The following MYO19 variants were observed in gnomAD, a reference collection of about 807,000 sequenced individuals.
The protein encoded by MYO19 is unconventional myosin-XIX.
Under a neutral mutation model 129.2 loss-of-function variants are expected in MYO19, and 132 were observed. The ratio of observed to expected loss-of-function variants is 1.02; its 90% CI spans 0.89 to 1.18. The LOEUF (loss-of-function observed/expected upper bound fraction) is 1.18. Ranked by LOEUF, MYO19 falls within the 50% of genes most tolerant of loss-of-function variation. The pLI is 0.00. For missense variants in MYO19, 1,210 were observed against 1,216.7 expected, an observed-to-expected ratio of 0.99 and a Z score of 0.08; for synonymous variants, 531 against 477.2, an observed-to-expected ratio of 1.11 and a Z score of -1.47.
rs1462620809 is a variant in MYO19, at chr17:36,513,302, G to A, written c.894+127C>T. The A allele has an allele frequency of 3.8e-6, 6 of 1,561,252 alleles. No individual in the cohort carries two copies. The Admixed American group carries it at 9.4e-5, about 24-fold the overall frequency. On this transcript the variant is annotated intron_variant, in intron 11 of 25. Transcript: ENST00000614623. ...AACAGAGGTGACTGATTCCTTGGAG[G>A]TAGCACAGAAGGGCCCAAAGTCCTA...
At chr17:36,522,874 C>T (rs1017356477) in intron 6 of MYO19, among the ~76,000 whole-genome samples, 1 of 151,876 alleles carries the variant, frequency 6.6e-6, no homozygotes, top group Admixed American at 6.6e-5. Context: ...GGCGTAGTGG[C>T]GGGCGCCTGT....
In MYO19 at chr17:36,506,594, A is replaced by G. The variant is rs111470906; in HGVS notation, c.1659T>C (p.Pro553=). The G allele has an allele frequency of 6.5e-6, 10 of 1,540,858 alleles. No individual in the cohort carries two copies. Among genetic ancestry groups the G allele is most frequent in the African/African-American group, 5.6e-5 (4 of 72,048 alleles). Residue 553 remains proline (P), a synonymous_variant, in exon 18 of 26, where the codon CCT becomes CCC. Coordinates refer to ENST00000614623, the MANE Select transcript of MYO19 (RefSeq NM_001163735.2). ...ATTGCTGCAGGAGCCTGGTCAGCTC[A>G]GGTGGGATAGGGTCCTATTGGGAAA... ...LVEKNKDPIP[P]ELTRLLQQSQ...
chr17:36,539,730 C>A, upstream of MYO19, among the ~76,000 whole-genome samples: 1 of 152,156 alleles, frequency 6.6e-6, no homozygotes, highest in East Asian at 1.9e-4. Context: ...ATTTAAGAAG[C>A]ACAGCACAAA....
At chr17:36,521,658 C>T (rs1426116093) in intron 6 of MYO19, among the ~76,000 whole-genome samples, 2 of 152,184 alleles carry the variant, frequency 1.3e-5, no homozygotes, top group African/African-American at 4.8e-5. Flanking sequence ...CAACACAGCA[C>T]TGTGAATTTT....
intron 4 of MYO19, 25 bp downstream of exon 4, chr17:36,528,039 C>G: frequency 1.2e-6 from 2 of 1,604,442 alleles, no homozygotes; most frequent in Non-Finnish European, 1.7e-6. Flanking sequence ...GGAGATGATA[C>G]TCCTGAGGAA....
At chr17:36,538,161 CTT>C (rs771195727), upstream of MYO19, 3 of 1,613,854 alleles carry the variant, frequency 1.9e-6, no homozygotes, top group South Asian at 2.2e-5. Flanking sequence ...CTTCATATCT[CTT>C]TACGTAGTTC....
At chr17:36,506,638 G>A (rs2071910838) in intron 17 of MYO19, 30 bp from the exon 18 acceptor site, 1 of 1,512,976 alleles carries the variant, frequency 6.6e-7, no homozygotes, top group Non-Finnish European at 8.8e-7. Context: ...GCAGCAGTGA[G>A]GGCAGGTGGA....
chr17:36,525,260 T>C lies in MYO19; in HGVS notation c.382A>G (p.Ile128Val), dbSNP rs376177622. Residue 128 changes from isoleucine (I) to valine (V), a missense_variant, in exon 6 of 26, where the codon ATT becomes GTT. Physicochemically the swap from Ile to Val is conservative, Grantham distance 29 (BLOSUM62 3). Transcript: ENST00000614623. ...KSLIEPVNQS[I>V]VVSGESGAGK... ...GCACCACTCTCTCCACTGACAACAA[T>C]AGACTGGTTGACTGGTTCAATCAGG... 6.9e-5 allele frequency: 111 copies of C among 1,613,762 alleles called. No homozygotes were observed. Among genetic ancestry groups the C allele is most frequent in the East Asian group, 3.3e-4 (15 of 44,888 alleles).
At position 36,513,621 on chromosome 17, in the gene MYO19, C is replaced by T. The variant is rs760656280; in HGVS notation, c.817+8G>A. 3 of 1,613,840 alleles carry T rather than the reference C, an allele frequency of 1.9e-6. No individual in the cohort carries two copies. Among genetic ancestry groups the T allele is most frequent in the African/African-American group, 2.7e-5 (2 of 74,916 alleles). Reference sequence around the variant, plus strand: ...TCAGCGCAAGGTGCTGGATGGGGCTCCCCTTACCTTCTAAGCTCCTCTCTG... The same window carrying T: ...TCAGCGCAAGGTGCTGGATGGGGCTTCCCTTACCTTCTAAGCTCCTCTCTG... On this transcript the variant is annotated splice_region_variant and intron_variant, in intron 10 of 25. Coordinates refer to ENST00000614623, the MANE Select transcript of MYO19 (RefSeq NM_001163735.2).
Position 36,512,856 on chromosome 17 carries a change from G to A in MYO19, c.894+573C>T, listed in dbSNP as rs1298709222. ...GAAGGGAGGCCCCCCTAGTGTGACT[G>A]AGAGGAGCCCAGCTCACCTGGGGCA... On this transcript the variant is annotated intron_variant, in intron 11 of 25. Transcript: ENST00000614623. The A allele has an allele frequency of 3.3e-6, 4 of 1,208,206 alleles. No homozygotes were observed. In the African/African-American group the frequency reaches 6.3e-5, roughly 19 times the overall value. 74.8% of individuals were successfully genotyped at this position (1,208,206 alleles called of 1,614,324 possible).
chr17:36,500,688 T>A, intron 23 of MYO19, 142 bp downstream of exon 23: 1 of 1,205,912 alleles, frequency 8.3e-7, no homozygotes, highest in Non-Finnish European at 1.1e-6. Flanking sequence ...GACAGGGAAT[T>A]TGAATCCCAG....
chr17:36,515,406 G>A (rs968171937), intron 7 of MYO19, among the ~76,000 whole-genome samples: 7 of 152,198 alleles, frequency 4.6e-5, no homozygotes, highest in South Asian at 2.1e-4. Flanking sequence ...AAATTGGAAT[G>A]AGCAAGCCTA....
At position 36,500,899 on chromosome 17, in the gene MYO19, C is replaced by T. The variant is rs1476098767; in HGVS notation, c.2308G>A (p.Gly770Ser). Residue 770 changes from glycine to serine, a missense_variant, in exon 23 of 26, where the codon GGT becomes AGT. Gly to Ser is a moderately conservative substitution (Grantham distance 56). Transcript: ENST00000614623. ...CGGTGCCGGTGTCGCCTCCAGCCACCCTGGATGCAGCGGGCACACTGCTCC... is the reference window on the plus strand; with the variant it reads ...CGGTGCCGGTGTCGCCTCCAGCCACTCTGGATGCAGCGGGCACACTGCTCC... ...VLEQCARCIQGGWRRHRHREQ... is the reference protein window; with the variant it reads ...VLEQCARCIQSGWRRHRHREQ... The T allele has an allele frequency of 1.9e-6, 3 of 1,608,760 alleles. No individual in the cohort carries two copies. In the African/African-American group the frequency reaches 4.0e-5, roughly 21 times the overall value.
At chr17:36,501,642 C>T in intron 21 of MYO19, 1 of 169,496 alleles carries the variant, frequency 5.9e-6, no homozygotes, top group East Asian at 1.7e-4. Flanking sequence ...CAGCTATAGG[C>T]CACTCCCTCA....
In MYO19 at chr17:36,511,348, T is replaced by C. The variant is rs1326187105; in HGVS notation, c.985+17A>G. On this transcript the variant is annotated intron_variant, in intron 12 of 25. Transcript: ENST00000614623. Reference sequence around the variant, plus strand: ...CTTCCTGACAGGGCCTGCCCCATCCTACACCCTGACCCTCACACTTGGCAT... The same window carrying C: ...CTTCCTGACAGGGCCTGCCCCATCCCACACCCTGACCCTCACACTTGGCAT... The C allele has an allele frequency of 6.4e-7, 1 of 1,564,892 alleles. No homozygotes were observed. The highest frequency in any genetic ancestry group is 2.4e-5 in the East Asian group (1 of 41,918).
intron 6 of MYO19, among the ~76,000 whole-genome samples, chr17:36,519,866 A>T (rs1187452109): frequency 1.3e-5 from 2 of 151,988 alleles, no homozygotes; most frequent in Non-Finnish European, 2.9e-5. Context: ...AAGTTGACAG[A>T]TTTTTTTCTT....
At position 36,534,770 on chromosome 17, in the gene MYO19, G is replaced by A. The variant is rs1376164912; in HGVS notation, c.-305C>T. ...TCGGGTTGACACTCACCGGTCCCAC[G>A]GCCCGAGCCGCCGTGCTTCAGGCCC... On this transcript the variant is annotated 5_prime_UTR_variant, in exon 1 of 26. Coordinates refer to ENST00000614623, the MANE Select transcript of MYO19 (RefSeq NM_001163735.2). The A allele has an allele frequency of 6.6e-6, 1 of 152,300 alleles. No individual in the cohort carries two copies. 9.4% of individuals were successfully genotyped at this position (152,300 alleles called of 1,614,324 possible).
intron 25 of MYO19, among the ~76,000 whole-genome samples, chr17:36,497,352 C>G (rs560249305): frequency 4.7e-5 from 7 of 150,536 alleles, no homozygotes; most frequent in Non-Finnish European, 1.0e-4. Flanking sequence ...AGAACTTGGA[C>G]CACTGACCCT....
intron 11 of MYO19, chr17:36,512,839 G>T (rs1216414559): frequency 8.0e-7 from 1 of 1,246,698 alleles, no homozygotes; most frequent in African/African-American, 1.5e-5. Context: ...CAGAAGGGAG[G>T]CCCCCCTAGT....
Sources: allele counts gnomAD v4.1 joint callset (sites outside exome capture counted in the v4.1 genomes callset), GRCh38; gene constraint gnomAD v4.1.1; transcripts MANE v1.5; gene names NCBI Gene and HGNC (gene_info 2026-07-23, HGNC 2026-07-21).